The following ZFHX3 variants were observed in gnomAD, a reference collection of about 807,000 sequenced individuals.
ZFHX3 encodes zinc finger homeobox 3, also known as zinc finger homeobox protein 3.
Under a neutral mutation model 279.1 loss-of-function variants are expected in ZFHX3, and 42 were observed. The ratio of observed to expected loss-of-function variants is 0.15; its 90% CI spans 0.12 to 0.19. The LOEUF (loss-of-function observed/expected upper bound fraction) is 0.19, where lower values mean the gene tolerates loss of function less well. ZFHX3 is among the 10% of genes least tolerant of loss of function. The pLI is 1.00. For synonymous variants in ZFHX3, 2,293 were observed against 1,957.8 expected, an observed-to-expected ratio of 1.17 and a Z score of -4.52; for missense variants, 4,981 against 4,754.0, an observed-to-expected ratio of 1.05 and a Z score of -1.40.
At chr16:73,588,408 C>A (rs966344691) in intron 2 of ZFHX3, among the ~76,000 whole-genome samples, 1 of 151,442 alleles carries the variant, frequency 6.6e-6, no homozygotes, top group African/African-American at 2.4e-5. Flanking sequence ...GAGAGGAGGC[C>A]GGTCGCGGTG....
intron 1 of ZFHX3, among the ~76,000 whole-genome samples, chr16:73,778,138 T>C (rs1479349301): frequency 6.7e-6 from 1 of 148,666 alleles, no homozygotes; most frequent in Non-Finnish European, 1.5e-5. Flanking sequence ...AAATGACCCA[T>C]GCTGAGGAAG....
intron 5 of ZFHX3, among the ~76,000 whole-genome samples, chr16:73,198,475 C>T (rs956488538): frequency 5.9e-5 from 9 of 151,444 alleles, no homozygotes; most frequent in African/African-American, 2.2e-4. Flanking sequence ...CAAAATAAAT[C>T]GGTAGAATTT....
rs1322054144 is a variant in ZFHX3, at chr16:73,047,949, C to G, written c.-247G>C. ...TGGTCAGGAGCAGGGGGCCCGGAGA[C>G]AGGGGAGGGGAGCTCATGGTGGCGG... is the stretch of plus-strand genomic sequence containing the variant. On this transcript the variant is annotated 5_prime_UTR_variant, in exon 1 of 10. Transcript: ENST00000268489. 1 of 152,290 alleles carries G rather than the reference C, an allele frequency of 6.6e-6. No individual in the cohort carries two copies. 9.4% of individuals were successfully genotyped at this position (152,290 alleles called of 1,614,324 possible).
intron 3 of ZFHX3, among the ~76,000 whole-genome samples, chr16:72,944,332 G>C (rs1960559177): frequency 6.6e-6 from 1 of 152,074 alleles, no homozygotes; most frequent in Admixed American, 6.6e-5. Context: ...TGTCTATAAA[G>C]ATTTTTAAAA....
chr16:73,298,778 T>C (rs2143124424), intron 4 of ZFHX3, among the ~76,000 whole-genome samples: 1 of 152,280 alleles, frequency 6.6e-6, no homozygotes, highest in South Asian at 2.1e-4. Context: ...AAACTAACAT[T>C]CCAGGAATAC....
intron 3 of ZFHX3, among the ~76,000 whole-genome samples, chr16:73,323,130 A>G (rs11642452): frequency 0.41 from 61,787 of 152,002 alleles, 14,374 homozygotes; most frequent in Non-Finnish European, 0.53. Flanking sequence ...AGCGATCATC[A>G]TGGCTGGGGG....
intron 1 of ZFHX3, among the ~76,000 whole-genome samples, chr16:73,784,082 C>A (rs1197540153): frequency 6.6e-6 from 1 of 151,628 alleles, no homozygotes; most frequent in Non-Finnish European, 1.5e-5. Flanking sequence ...GGCAGCAAAT[C>A]ACAGGAAGAT....
At chr16:73,315,444 C>A (rs2015424052) in intron 4 of ZFHX3, among the ~76,000 whole-genome samples, 1 of 152,254 alleles carries the variant, frequency 6.6e-6, no homozygotes, top group South Asian at 2.1e-4. Flanking sequence ...TTGATATTCT[C>A]AGTTTAATTT....
intron 2 of ZFHX3, among the ~76,000 whole-genome samples, chr16:72,953,152 A>G (rs1211240741): frequency 6.6e-6 from 1 of 152,230 alleles, no homozygotes; most frequent in East Asian, 1.9e-4. Context: ...CGGACAGTCT[A>G]GCAAGCCACA....
chr16:73,365,037 TC>T (rs1421838263), intron 3 of ZFHX3, among the ~76,000 whole-genome samples: 5 of 151,656 alleles, frequency 3.3e-5, no homozygotes, highest in African/African-American at 4.9e-5. Flanking sequence ...GTGGCGCCTC[TC>T]CCCCCACCCA....
intron 2 of ZFHX3, among the ~76,000 whole-genome samples, chr16:73,623,800 G>C (rs1185639655): frequency 6.6e-6 from 1 of 152,152 alleles, no homozygotes; most frequent in African/African-American, 2.4e-5. Context: ...CCTGGTGGTG[G>C]CAGTTGAGCA....
At chr16:73,045,844 T>A (rs1597132028) in intron 1 of ZFHX3, among the ~76,000 whole-genome samples, 2 of 148,024 alleles carry the variant, frequency 1.4e-5, no homozygotes, top group African/African-American at 5.0e-5. Flanking sequence ...ACCCATGTCA[T>A]AAAGACAGAA....
chr16:72,905,943 C>G (rs577415852), intron 3 of ZFHX3, among the ~76,000 whole-genome samples: 1 of 152,302 alleles, frequency 6.6e-6, no homozygotes, highest in East Asian at 1.9e-4. Context: ...ATATAACCCA[C>G]GTGGTTAAGG....
chr16:73,580,731 T>C (rs1293024012), intron 2 of ZFHX3, among the ~76,000 whole-genome samples: 1 of 151,770 alleles, frequency 6.6e-6, no homozygotes, highest in East Asian at 1.9e-4. Context: ...TGTCAAGCAC[T>C]CCCCTGCCAT....
chr16:73,222,644 C>T (rs1483231256), intron 5 of ZFHX3, among the ~76,000 whole-genome samples: 1 of 151,990 alleles, frequency 6.6e-6, no homozygotes, highest in Non-Finnish European at 1.5e-5. Flanking sequence ...CAGTTCTTCC[C>T]AACATGATTT....
chr16:73,087,830 C>CT (rs780641598), intron 8 of ZFHX3, among the ~76,000 whole-genome samples: 4,474 of 146,690 alleles, frequency 0.03, 85 homozygotes, highest in Middle Eastern at 0.077. Flanking sequence ...ATTTCTCTCT[C>CT]TTTTTTTTTT....
chr16:72,957,466 C>T lies in ZFHX3; in HGVS notation c.2680G>A (p.Asp894Asn), dbSNP rs754686167. 4.3e-6 allele frequency: 7 copies of T among 1,613,562 alleles called. No homozygotes were observed. The highest frequency in any genetic ancestry group is 5.1e-6 in the Non-Finnish European group (6 of 1,179,720). The change falls in exon 2 of 10, where the codon GAT (aspartate) becomes AAT (asparagine). Residue 894 changes from aspartate (D) to asparagine (N), a missense_variant. Asp to Asn is a conservative substitution (Grantham distance 23). Transcript: ENST00000268489. ...AQFMMSGFQL[D>N]PAGPMAAMTP... Reference sequence around the variant, plus strand: ...ATGGCGGCCATGGGCCCGGCGGGATCCAGCTGGAATCCGCTCATCATGAAC... The same window carrying T: ...ATGGCGGCCATGGGCCCGGCGGGATTCAGCTGGAATCCGCTCATCATGAAC...
intron 2 of ZFHX3, among the ~76,000 whole-genome samples, chr16:73,515,789 G>A (rs1164358597): frequency 2.6e-5 from 4 of 152,156 alleles, no homozygotes; most frequent in Admixed American, 6.5e-5. Flanking sequence ...TCTTGGAGCC[G>A]TATCTATATC....
Position 72,959,004 on chromosome 16 carries a change from G to C in ZFHX3, c.1142C>G (p.Ala381Gly), listed in dbSNP as rs142313117. ...CTGCTCGGGGCCAGCGGCGGAGCCCGCTGGGAGAGCTTCCTCCCCTTCCAT... is the reference window on the plus strand; with the variant it reads ...CTGCTCGGGGCCAGCGGCGGAGCCCCCTGGGAGAGCTTCCTCCCCTTCCAT... ...IRMEGEEALP[A>G]GSAAGPEQPQ... is the part of the protein sequence containing the mutation. Residue 381 changes from alanine to glycine, a missense_variant, in exon 2 of 10, where the codon GCG becomes GGG. Around this residue, in one of 7 missense-constraint regions of ZFHX3, gnomAD observed 1,068 missense variants for 935.2 expected, o/e 1.14. Coordinates refer to ENST00000268489, the MANE Select transcript of ZFHX3 (RefSeq NM_006885.4). The C allele has an allele frequency of 7.5e-6, 12 of 1,610,324 alleles. No homozygotes were observed. The highest frequency in any genetic ancestry group is 1.0e-5 in the Non-Finnish European group (12 of 1,178,276).
Sources: allele counts gnomAD v4.1 joint callset (sites outside exome capture counted in the v4.1 genomes callset), GRCh38; gene constraint gnomAD v4.1.1; regional missense constraint gnomAD v4.1.1; transcripts MANE v1.5; gene names NCBI Gene and HGNC (gene_info 2026-07-23, HGNC 2026-07-21).